The following MTM1 variants were observed in gnomAD, a reference collection of about 807,000 sequenced individuals.
The protein encoded by MTM1 is myotubularin.
In MTM1, 9 loss-of-function variants were observed where a neutral mutation model predicts 52.1. The observed-to-expected ratio is 0.17, with a 90% CI of 0.10 to 0.30. The LOEUF (loss-of-function observed/expected upper bound fraction) is 0.30, where lower values mean the gene tolerates loss of function less well. Among genes scored for constraint, MTM1 ranks in the 10% least tolerant of loss-of-function variants. The pLI is 1.00. For synonymous variants in MTM1, 136 were observed against 163.8 expected, an observed-to-expected ratio of 0.83 and a Z score of 1.29; for missense variants, 277 against 470.7, an observed-to-expected ratio of 0.59 and a Z score of 3.81.
At chrX:150,585,802 T>C (rs1474398775) in intron 1 of MTM1, among the ~76,000 whole-genome samples, 1 of 112,399 alleles carries the variant, frequency 8.9e-6, no homozygotes, top group Non-Finnish European at 1.9e-5. Flanking sequence ...GATAACCTGA[T>C]AGTAGTTGAC....
chrX:150,599,632 GTTCA>G (rs2039036799), intron 4 of MTM1, among the ~76,000 whole-genome samples: 1 of 111,684 alleles, frequency 9.0e-6, no homozygotes. Flanking sequence ...CTTTTATGGT[GTTCA>G]TTATTATGTC....
intron 4 of MTM1, among the ~76,000 whole-genome samples, chrX:150,610,423 GAGAA>G (rs2039255903): frequency 9.0e-6 from 1 of 111,633 alleles, no homozygotes; most frequent in African/African-American, 3.3e-5. Context: ...GAGAGAGAGA[GAGAA>G]AGAAAGAATG....
chrX:150,566,319 G>C (rs1376065381), upstream of MTM1, among the ~76,000 whole-genome samples: 3 of 111,045 alleles, frequency 2.7e-5, no homozygotes, highest in African/African-American at 9.8e-5. Flanking sequence ...TGTATTTTTA[G>C]TAGAGACGGG....
At chrX:150,571,587 G>A (rs983357967) in intron 1 of MTM1, among the ~76,000 whole-genome samples, 1 of 112,429 alleles carries the variant, frequency 8.9e-6, no homozygotes, top group Non-Finnish European at 1.9e-5. Context: ...TTATTGACTT[G>A]AACGATATGG....
intron 10 of MTM1, among the ~76,000 whole-genome samples, chrX:150,650,535 G>A (rs1360956215): frequency 1.8e-5 from 2 of 111,063 alleles, no homozygotes; most frequent in Non-Finnish European, 3.8e-5. Context: ...ATCTGCAAGT[G>A]GTGGCATGCT....
intron 6 of MTM1, among the ~76,000 whole-genome samples, chrX:150,626,901 A>G (rs966355623): frequency 3.6e-5 from 4 of 111,054 alleles, no homozygotes; most frequent in African/African-American, 1.3e-4. Context: ...TTGACACACT[A>G]GTTATGCTTT....
chrX:150,569,500 T>C (rs782549305), intron 1 of MTM1, among the ~76,000 whole-genome samples: 2 of 112,595 alleles, frequency 1.8e-5, no homozygotes, highest in African/African-American at 6.5e-5. Context: ...AATAAAATTA[T>C]AGCATTTTAG....
At chrX:150,657,389 C>T (rs2040136603) in intron 10 of MTM1, among the ~76,000 whole-genome samples, 1 of 106,859 alleles carries the variant, frequency 9.4e-6, no homozygotes. Context: ...AACCCAAACA[C>T]CGCATGTTCT....
At chrX:150,603,650 G>A (rs992183879) in intron 4 of MTM1, among the ~76,000 whole-genome samples, 3 of 111,783 alleles carry the variant, frequency 2.7e-5, no homozygotes, top group African/African-American at 9.8e-5. Context: ...GGAATATGTT[G>A]TAGATAAGCC....
At chrX:150,610,218 G>A (rs1211445151) in intron 4 of MTM1, among the ~76,000 whole-genome samples, 2 of 111,267 alleles carry the variant, frequency 1.8e-5, no homozygotes, top group Non-Finnish European at 1.9e-5. Flanking sequence ...CTTTCACTTT[G>A]TGTGGACTTT....
chrX:150,631,953 G>C (rs1477271309), intron 6 of MTM1, among the ~76,000 whole-genome samples: 1 of 111,787 alleles, frequency 8.9e-6, no homozygotes, highest in Non-Finnish European at 1.9e-5. Context: ...CATGCACCAG[G>C]TGTGCTCTTT....
intron 8 of MTM1, among the ~76,000 whole-genome samples, chrX:150,643,882 G>A (rs2039887076): frequency 9.0e-6 from 1 of 111,556 alleles, no homozygotes; most frequent in African/African-American, 3.3e-5. Flanking sequence ...ACTCATGGTA[G>A]TTGACACTGT....
intron 4 of MTM1, among the ~76,000 whole-genome samples, chrX:150,605,286 CT>C (rs2039136797): frequency 8.9e-6 from 1 of 111,850 alleles, no homozygotes; most frequent in Admixed American, 9.5e-5. Context: ...GGAATGGGGG[CT>C]TTTAAGGCTT....
chrX:150,638,866 G>C, intron 6 of MTM1, 77 bp from the exon 7 acceptor site: 9 of 764,898 alleles, frequency 1.2e-5, no homozygotes, highest in Non-Finnish European at 1.4e-5. Flanking sequence ...AATTTATTTT[G>C]CGAGAAATCA....
At chrX:150,563,056 C>G in the MTM1 span, among the ~76,000 whole-genome samples, 4 of 110,896 alleles carry the variant, frequency 3.6e-5, no homozygotes, top group Admixed American at 3.9e-4. Flanking sequence ...TTAGGCTGGG[C>G]TCTGTCTTCT....
At chrX:150,586,420 T>G (rs1408003584) in intron 1 of MTM1, among the ~76,000 whole-genome samples, 1 of 111,541 alleles carries the variant, frequency 9.0e-6, no homozygotes, top group Non-Finnish European at 1.9e-5. Context: ...TTCCCTGGGC[T>G]AGGAGTCAAG....
chrX:150,655,327 A>T (rs1451989971), intron 10 of MTM1, among the ~76,000 whole-genome samples: 3 of 108,971 alleles, frequency 2.8e-5, no homozygotes, highest in Non-Finnish European at 5.7e-5. Context: ...TCTGTCTCAA[A>T]AAAAAAAAAA....
chrX:150,602,911 C>T (rs1195619267), intron 4 of MTM1, among the ~76,000 whole-genome samples: 1 of 111,842 alleles, frequency 8.9e-6, no homozygotes, highest in Non-Finnish European at 1.9e-5. Context: ...ACCCTGAGGC[C>T]TGCATAACCT....
At chrX:150,594,550 AT>A (rs1271528472) in intron 2 of MTM1, among the ~76,000 whole-genome samples, 3 of 112,163 alleles carry the variant, frequency 2.7e-5, no homozygotes, top group African/African-American at 9.7e-5. Context: ...ACATATATCA[AT>A]CTATATTTTC....
Sources: gnomAD v4.1 joint callset for allele counts (sites outside exome capture counted in the v4.1 genomes callset) on GRCh38, gnomAD v4.1.1 for gene constraint, MANE v1.5 for transcripts, NCBI Gene and HGNC (gene_info 2026-07-23, HGNC 2026-07-21) for gene names.